Variants in DNAJC21 observed in about 807,000 individuals in gnomAD.
DNAJC21 encodes the protein dnaJ homolog subfamily C member 21.
Under a neutral mutation model 72.4 loss-of-function variants are expected in DNAJC21, and 63 were observed. That is an observed-to-expected ratio of 0.87 (90% confidence interval 0.71 to 1.07). The LOEUF is 1.07. DNAJC21 is among the 50% of genes least tolerant of loss of function. The probability of loss-of-function intolerance (pLI) is 0.00; values close to 1 mark genes in which losing one functional copy is unlikely to be tolerated. For synonymous variants in DNAJC21, 203 were observed against 216.7 expected (o/e 0.94, Z 0.56); for missense variants, 634 against 644.8 (o/e 0.98, Z 0.18).
intron 10 of DNAJC21, chr5:34,952,123 ATGTGTGTGTG>A (rs3220525): frequency 1.2e-5 from 11 of 946,828 alleles, no homozygotes; most frequent in Non-Finnish European, 1.4e-5. Flanking sequence ...TTTTTAAAAA[ATGTGTGTGTG>A]TGTGTGTGTG....
In DNAJC21 at chr5:34,954,615, C is replaced by T. The variant is rs1349603158; in HGVS notation, c.1497C>T (p.Asp499=). 1.9e-6 allele frequency: 3 copies of T among 1,613,314 alleles called. No homozygotes were observed. Among genetic ancestry groups the T allele is most frequent in the African/African-American group, 1.3e-5 (1 of 74,868 alleles). Residue 499 remains aspartate, a synonymous_variant, in exon 12 of 12, where the codon GAC becomes GAT. Transcript: ENST00000648817. ...TTCCATCTCGGAATAAACTTTTTGACCATCTAAAGGCCACAGGTCATGCAA... is the reference window on the plus strand; with the variant it reads ...TTCCATCTCGGAATAAACTTTTTGATCATCTAAAGGCCACAGGTCATGCAA... ...SEFPSRNKLF[D]HLKATGHARA... is the part of the protein sequence containing the mutation.
chr5:34,937,768 AT>A (rs2112041106), intron 5 of DNAJC21, 138 bp downstream of exon 5: 1 of 1,053,926 alleles, frequency 9.5e-7, no homozygotes, highest in East Asian at 2.6e-5. Context: ...AAATTGTGGC[AT>A]TGGATAGTGT....
intron 7 of DNAJC21, among the ~76,000 whole-genome samples, chr5:34,943,330 C>T (rs1234640872): frequency 6.6e-6 from 1 of 152,102 alleles, no homozygotes; most frequent in Non-Finnish European, 1.5e-5. Flanking sequence ...TAGAATTCTT[C>T]TCATTTTGTC....
intron 10 of DNAJC21, 194 bp downstream of exon 10, chr5:34,950,536 T>C: frequency 8.0e-7 from 1 of 1,242,340 alleles, no homozygotes; most frequent in Non-Finnish European, 1.0e-6. Context: ...GCTAGAGGAA[T>C]GTGCCCACAC....
rs748031504 is a variant in DNAJC21, at chr5:34,929,844, G to C, written c.25G>C (p.Gly9Arg). The C allele has an allele frequency of 2.5e-6, 4 of 1,576,548 alleles. No individual in the cohort carries two copies. The highest frequency in any genetic ancestry group is 2.8e-5 in the African/African-American group (2 of 71,346). MKCHYEAL[G>R]VRRDASEEEL... ...GATGAAGTGTCACTATGAGGCGCTG[G>C]GGGTGCGGCGCGACGCCAGCGAGGA... Residue 9 changes from glycine to arginine, a missense_variant, in exon 1 of 12, where the codon GGG (glycine) becomes CGG (arginine). Gly to Arg is a moderately radical substitution (Grantham distance 125). Coordinates refer to ENST00000648817, the MANE Select transcript of DNAJC21 (RefSeq NM_001012339.3).
intron 1 of DNAJC21, 41 bp downstream of exon 1, chr5:34,929,957 G>T: frequency 6.7e-7 from 1 of 1,496,358 alleles, no homozygotes; most frequent in Non-Finnish European, 9.0e-7. Flanking sequence ...ACTCGGAGAA[G>T]CCCGGCCCTC....
chr5:34,937,343 C>T lies in DNAJC21; in HGVS notation c.456C>T (p.Tyr152=), dbSNP rs369667617. The T allele has an allele frequency of 8.3e-5, 134 of 1,611,680 alleles. No individual in the cohort carries two copies. The highest frequency in any genetic ancestry group is 1.0e-4 in the Non-Finnish European group (123 of 1,179,120). ...SDYDTVVHPF[Y]AYWQSFCTQK... ...GTCACTAGGTAGTCCATCCTTTCTACGCTTATTGGCAGAGTTTCTGCACTC... is the reference window on the plus strand; with the variant it reads ...GTCACTAGGTAGTCCATCCTTTCTATGCTTATTGGCAGAGTTTCTGCACTC... The change falls in exon 5 of 12, where the codon TAC becomes TAT. Residue 152 remains tyrosine, a synonymous_variant. Coordinates refer to ENST00000648817, the MANE Select transcript of DNAJC21 (RefSeq NM_001012339.3).
At chr5:34,930,468 A>C (rs1168466270) in intron 1 of DNAJC21, 1 of 151,882 alleles carries the variant, frequency 6.6e-6, no homozygotes, top group Non-Finnish European at 1.5e-5. Flanking sequence ...TCTTTTAATA[A>C]GCTGTTTAAG....
At position 34,933,806 on chromosome 5, in the gene DNAJC21, C is replaced by G. The variant is rs764625800; in HGVS notation, c.98-9C>G. On this transcript the variant is annotated splice_polypyrimidine_tract_variant and intron_variant, in intron 1 of 11. Coordinates refer to ENST00000648817, the MANE Select transcript of DNAJC21 (RefSeq NM_001012339.3). ...TTTTGATTGACTTAAATTTCTGTGA[C>G]TTTAACAGATAAAAATCTGGATAAT... 1 of 1,611,522 alleles carries G rather than the reference C, an allele frequency of 6.2e-7. No individual in the cohort carries two copies. The highest frequency in any genetic ancestry group is 8.5e-7 in the Non-Finnish European group (1 of 1,178,644).
rs760579414 is a variant in DNAJC21, at chr5:34,938,934, C to T, written c.820C>T (p.Arg274Trp). The T allele has an allele frequency of 1.3e-5, 21 of 1,613,824 alleles. No homozygotes were observed. The highest frequency in any genetic ancestry group is 1.6e-4 in the Middle Eastern group (1 of 6,062). The change falls in exon 6 of 12, where the codon CGG becomes TGG. Residue 274 changes from arginine to tryptophan, a missense_variant. By Grantham distance (101) the Arg-to-Trp change is moderately radical. Coordinates refer to ENST00000648817, the MANE Select transcript of DNAJC21 (RefSeq NM_001012339.3). ...GAAAGAGCTCCAGGAGATGGAGGCA[C>T]GGTACGAGAAGGAGTTTGGAGATGG... ...LEKELQEMEA[R>W]YEKEFGDGSD...
In DNAJC21 at chr5:34,951,695, T is replaced by C. The variant is rs931350944; in HGVS notation, c.1358+1353T>C. 9 of 797,342 alleles carry C rather than the reference T, an allele frequency of 1.1e-5. No individual in the cohort carries two copies. The Admixed American group carries it at 1.9e-4, about 17-fold the overall frequency. The allele number at this position is 797,342 out of a possible 1,614,324, so 49.4% of individuals were successfully genotyped here. ...GGCATGCACTGCCACGCCTGGCTATTTTTCTGTATTTTAGTAGAGACGGTT... is the reference window on the plus strand; with the variant it reads ...GGCATGCACTGCCACGCCTGGCTATCTTTCTGTATTTTAGTAGAGACGGTT... On this transcript the variant is annotated intron_variant, in intron 10 of 11. Coordinates refer to ENST00000648817, the MANE Select transcript of DNAJC21 (RefSeq NM_001012339.3).
chr5:34,942,597 A>G (rs1332332021), intron 7 of DNAJC21, among the ~76,000 whole-genome samples: 1 of 152,182 alleles, frequency 6.6e-6, no homozygotes, highest in Non-Finnish European at 1.5e-5. Context: ...CTTAAAGGTA[A>G]ATTGCAAGAA....
chr5:34,943,150 T>A (rs541934888), intron 7 of DNAJC21, among the ~76,000 whole-genome samples: 131 of 152,318 alleles, frequency 8.6e-4, no homozygotes, highest in African/African-American at 2.8e-3. Flanking sequence ...AACATTGATA[T>A]GGTATTTTTA....
intron 1 of DNAJC21, 70 bp from the exon 2 acceptor site, chr5:34,933,745 A>G (rs1336391368): frequency 1.0e-5 from 13 of 1,304,362 alleles, no homozygotes; most frequent in Non-Finnish European, 1.3e-5. Flanking sequence ...GGCATTTCTG[A>G]TGGAAAATGT....
chr5:34,935,683 A>C, intron 2 of DNAJC21, 27 bp from the exon 3 acceptor site: 2 of 1,613,460 alleles, frequency 1.2e-6, no homozygotes, highest in South Asian at 2.2e-5. Context: ...TTCAGCCTTC[A>C]CAATGATGCT....
intron 4 of DNAJC21, among the ~76,000 whole-genome samples, chr5:34,936,511 G>A (rs1764783694): frequency 6.6e-6 from 1 of 151,966 alleles, no homozygotes; most frequent in Non-Finnish European, 1.5e-5. Context: ...GTAGAGATGG[G>A]GTCTTGCTAA....
chr5:34,935,769 A>G lies in DNAJC21; in HGVS notation c.251A>G (p.Asp84Gly), dbSNP rs767836976. 4 of 1,614,048 alleles carry G rather than the reference A, an allele frequency of 2.5e-6. No individual in the cohort carries two copies. The Admixed American group carries it at 6.7e-5, about 27-fold the overall frequency. Residue 84 changes from aspartate (D) to glycine (G), a missense_variant, in exon 3 of 12, where the codon GAC becomes GGC. Asp to Gly is a moderately conservative substitution (Grantham distance 94). Transcript: ENST00000648817. ...GGGTTTGATGGCGAATATCAAGATGACAGCTTAGATTTGCTACGCTATTTC... is the reference window on the plus strand; with the variant it reads ...GGGTTTGATGGCGAATATCAAGATGGCAGCTTAGATTTGCTACGCTATTTC... ...KGGFDGEYQD[D>G]SLDLLRYFTV... is the part of the protein sequence containing the mutation.
chr5:34,935,764 A>G lies in DNAJC21; in HGVS notation c.246A>G (p.Gln82=), dbSNP rs771228863. 2 of 1,614,074 alleles carry G rather than the reference A, an allele frequency of 1.2e-6. No individual in the cohort carries two copies. Among genetic ancestry groups the G allele is most frequent in the Admixed American group, 3.3e-5 (2 of 60,022 alleles). ...AAGGTGGGTTTGATGGCGAATATCA[A>G]GATGACAGCTTAGATTTGCTACGCT... ...LLKGGFDGEY[Q]DDSLDLLRYF... The change falls in exon 3 of 12, where the codon CAA becomes CAG. Residue 82 remains glutamine (Q), a synonymous_variant. Transcript: ENST00000648817.
chr5:34,935,096 G>A (rs1764727040), intron 2 of DNAJC21, among the ~76,000 whole-genome samples: 1 of 152,200 alleles, frequency 6.6e-6, no homozygotes, highest in Non-Finnish European at 1.5e-5. Context: ...GCAGTACCGT[G>A]TAGTGGCTAG....
Sources: allele counts gnomAD v4.1 joint callset (sites outside exome capture counted in the v4.1 genomes callset), GRCh38; gene constraint gnomAD v4.1.1; transcripts MANE v1.5; gene names NCBI Gene and HGNC (gene_info 2026-07-23, HGNC 2026-07-21).